UBE3C: variants seen among roughly 807,000 people sequenced by gnomAD.
The protein encoded by UBE3C is ubiquitin-protein ligase E3C.
UBE3C carries 42 observed loss-of-function variants against 129.4 expected under a neutral mutation model. The observed-to-expected ratio is 0.32, with a 90% confidence interval of 0.25 to 0.42. The LOEUF (loss-of-function observed/expected upper bound fraction) is 0.42. UBE3C is among the 10% of genes least tolerant of loss of function. The pLI is 1.00. For synonymous variants in UBE3C, 510 were observed against 492.4 expected, an observed-to-expected ratio of 1.04 and a Z score of -0.47; for missense variants, 1,049 against 1,319.1, an observed-to-expected ratio of 0.80 and a Z score of 3.17.
chr7:157,186,157 C>T (rs1466741645), intron 9 of UBE3C, among the ~76,000 whole-genome samples: 1 of 152,150 alleles, frequency 6.6e-6, no homozygotes. Flanking sequence ...GGAGCAGTGG[C>T]TCATACCTGT....
chr7:157,190,079 C>A (rs1808914753), intron 10 of UBE3C, among the ~76,000 whole-genome samples: 1 of 152,208 alleles, frequency 6.6e-6, no homozygotes, highest in Non-Finnish European at 1.5e-5. Context: ...GGATTACAGG[C>A]GTGAGCCACT....
At chr7:157,167,235 A>T (rs144515105) in intron 2 of UBE3C, among the ~76,000 whole-genome samples, 1 of 151,774 alleles carries the variant, frequency 6.6e-6, no homozygotes, top group Non-Finnish European at 1.5e-5. Flanking sequence ...CCGACCTCAC[A>T]GGATTTTTTT....
At chr7:157,223,933 A>C (rs900641808) in intron 16 of UBE3C, among the ~76,000 whole-genome samples, 2 of 152,206 alleles carry the variant, frequency 1.3e-5, no homozygotes, top group Admixed American at 1.3e-4. Context: ...GGGGGGAAGA[A>C]ACTTTGCATT....
At chr7:157,158,872 G>A (rs958103149) in intron 1 of UBE3C, among the ~76,000 whole-genome samples, 1 of 152,162 alleles carries the variant, frequency 6.6e-6, no homozygotes, top group African/African-American at 2.4e-5. Flanking sequence ...AAGCAGAGAT[G>A]GTGTCTTGGG....
At position 157,231,309 on chromosome 7, in the gene UBE3C, A is replaced by G; in HGVS notation, c.2463A>G (p.Leu821=). 2 of 1,613,852 alleles carry G rather than the reference A, an allele frequency of 1.2e-6. No individual in the cohort carries two copies. Among genetic ancestry groups the G allele is most frequent in the Non-Finnish European group, 1.7e-6 (2 of 1,179,890 alleles). The part of the protein sequence containing the change: ...GDSFARHYYF[L]GRMLGKALYE... ...CTTTTGCCAGACATTACTACTTCCT[A>G]GGCAGAATGCTTGGAAAGGTAAAGT... Residue 821 remains leucine, a synonymous_variant, in exon 18 of 23, where the codon CTA becomes CTG. Transcript: ENST00000348165.
In UBE3C at chr7:157,170,397, T is replaced by C; in HGVS notation, c.289T>C (p.Leu97=). The change falls in exon 4 of 23, where the codon TTG becomes CTG. Residue 97 remains leucine, a synonymous_variant. Transcript: ENST00000348165. ...PIANGPNLTL[L]VRQLLFFYKQ... is the part of the protein sequence containing the mutation. The stretch of plus-strand genomic sequence containing the variant: ...TGCTAATGGCCCCAACCTTACCCTT[T>C]TGGTAAGGCAGCTTCTGTTTTTTTA... 1 of 1,574,824 alleles carries C rather than the reference T, an allele frequency of 6.3e-7. No homozygotes were observed. The highest frequency in any genetic ancestry group is 8.6e-7 in the Non-Finnish European group (1 of 1,162,614).
At chr7:157,196,076 T>A (rs900578467) in intron 10 of UBE3C, among the ~76,000 whole-genome samples, 3 of 152,196 alleles carry the variant, frequency 2.0e-5, no homozygotes, top group Middle Eastern at 3.4e-3. Flanking sequence ...AGAGAACCTC[T>A]CCAGGGTGGT....
intron 22 of UBE3C, among the ~76,000 whole-genome samples, chr7:157,258,968 GT>G (rs1279845022): frequency 6.6e-6 from 1 of 152,136 alleles, no homozygotes; most frequent in African/African-American, 2.4e-5. Context: ...AAGACATGAG[GT>G]CTTCCCTAAA....
At position 157,178,867 on chromosome 7, in the gene UBE3C, A is replaced by C. The variant is rs373650954; in HGVS notation, c.616+20A>C. ...ACAATGGTAAGTAGTAGGCAGGATCAGAACTGTGGCTCAGCATCCTGATGG... is the reference window on the plus strand; with the variant it reads ...ACAATGGTAAGTAGTAGGCAGGATCCGAACTGTGGCTCAGCATCCTGATGG... On this transcript the variant is annotated intron_variant, in intron 6 of 22. Coordinates refer to ENST00000348165, the MANE Select transcript of UBE3C (RefSeq NM_014671.3). The C allele has an allele frequency of 3.1e-6, 5 of 1,610,798 alleles. No homozygotes were observed. The African/African-American group carries it at 6.7e-5, about 22-fold the overall frequency.
At chr7:157,161,995 G>A (rs1395878149) in intron 1 of UBE3C, among the ~76,000 whole-genome samples, 8 of 151,692 alleles carry the variant, frequency 5.3e-5, no homozygotes, top group African/African-American at 1.7e-4. Context: ...GCTTGAAACC[G>A]GGAGGCAGAG....
Position 157,138,951 on chromosome 7 carries a change from C to T in UBE3C, c.-322C>T, listed in dbSNP as rs1352347484. On this transcript the variant is annotated 5_prime_UTR_variant, in exon 1 of 23. Coordinates refer to ENST00000348165, the MANE Select transcript of UBE3C (RefSeq NM_014671.3). ...GCACGCACTGACGGCTGACCGCCAT[C>T]TTCCCTCCCGAGGCGGCAGTTCCAG... The T allele has an allele frequency of 6.6e-6, 1 of 152,090 alleles. No homozygotes were observed. The highest frequency in any genetic ancestry group is 1.5e-5 in the Non-Finnish European group (1 of 68,160). 9.4% of individuals were successfully genotyped at this position (152,090 alleles called of 1,614,324 possible).
At chr7:157,172,929 G>C (rs1260333558) in intron 4 of UBE3C, among the ~76,000 whole-genome samples, 1 of 152,218 alleles carries the variant, frequency 6.6e-6, no homozygotes, top group Non-Finnish European at 1.5e-5. Flanking sequence ...TAGCTACACA[G>C]TCTTGCTTCA....
intron 15 of UBE3C, chr7:157,221,767 G>A (rs1795743008): frequency 6.6e-6 from 1 of 152,118 alleles, no homozygotes; most frequent in African/African-American, 2.4e-5. Context: ...CATTGTAAAA[G>A]GTGGGAAATG....
intron 1 of UBE3C, among the ~76,000 whole-genome samples, chr7:157,152,730 G>A (rs761984719): frequency 7.9e-5 from 12 of 152,028 alleles, no homozygotes; most frequent in Non-Finnish European, 1.0e-4. Context: ...CCTCTCCCTC[G>A]TGTCTGGGCA....
rs1797156022 is a variant in UBE3C at position 157,269,055 on chromosome 7, A to G, written c.*1300A>G. ...CTGAATGACACTTTTAAGACAATGAACATTATCAAAACAAAATGTATAATT... is the reference window on the plus strand; with the variant it reads ...CTGAATGACACTTTTAAGACAATGAGCATTATCAAAACAAAATGTATAATT... On this transcript the variant is annotated 3_prime_UTR_variant, in exon 23 of 23. Coordinates refer to ENST00000348165, the MANE Select transcript of UBE3C (RefSeq NM_014671.3). 1 of 152,648 alleles carries G rather than the reference A, an allele frequency of 6.6e-6. No individual in the cohort carries two copies. Among genetic ancestry groups the G allele is most frequent in the Non-Finnish European group, 1.5e-5 (1 of 68,040 alleles). The allele number at this position is 152,648 out of a possible 1,614,324, so 9.5% of individuals were successfully genotyped here.
intron 17 of UBE3C, among the ~76,000 whole-genome samples, 162 bp from the exon 18 acceptor site, chr7:157,230,918 C>G (rs185661033): frequency 2.6e-4 from 40 of 152,266 alleles, no homozygotes; most frequent in Middle Eastern, 3.4e-3. Flanking sequence ...GAGCAAGACT[C>G]TGTCTCAAAA....
rs377188347 is a variant in UBE3C, at chr7:157,242,853, T to G, written c.2482-5515T>G. 1.1e-3 allele frequency among the ~76,000 whole-genome samples: 167 copies of G among 152,126 alleles called. 1 individual carries two copies. The highest frequency in any genetic ancestry group is 3.6e-3 in the African/African-American group (148 of 41,500). On this transcript the variant is annotated intron_variant, in intron 18 of 22. Coordinates refer to ENST00000348165, the MANE Select transcript of UBE3C (RefSeq NM_014671.3). ...GGGAGAATCACGAGGTCAGGAGTTCTAGACCAGCCTGACCAACATGGTGAA... is the reference window on the plus strand; with the variant it reads ...GGGAGAATCACGAGGTCAGGAGTTCGAGACCAGCCTGACCAACATGGTGAA...
intron 18 of UBE3C, among the ~76,000 whole-genome samples, chr7:157,241,000 C>T (rs1017243718): frequency 5.9e-5 from 9 of 152,090 alleles, no homozygotes; most frequent in Middle Eastern, 3.2e-3. Flanking sequence ...GTAATGGATG[C>T]GCAAGCCCAG....
At chr7:157,241,814 G>A (rs1255892732) in intron 18 of UBE3C, among the ~76,000 whole-genome samples, 1 of 152,162 alleles carries the variant, frequency 6.6e-6, no homozygotes, top group Non-Finnish European at 1.5e-5. Flanking sequence ...CCATACAGTG[G>A]ACTATTACTG....
Sources: allele counts gnomAD v4.1 joint callset (sites outside exome capture counted in the v4.1 genomes callset), GRCh38; gene constraint gnomAD v4.1.1; transcripts MANE v1.5; gene names NCBI Gene and HGNC (gene_info 2026-07-23, HGNC 2026-07-21).